CFAP44: variants seen among roughly 807,000 people sequenced by gnomAD.
CFAP44 encodes cilia- and flagella-associated protein 44.
A neutral mutation model predicts 216.2 loss-of-function variants in CFAP44; 134 were observed. That is an observed-to-expected ratio of 0.62 (90% CI 0.54 to 0.72). CFAP44 has a LOEUF of 0.72. Among genes scored for constraint, CFAP44 ranks in the 30% least tolerant of loss-of-function variants. The probability of loss-of-function intolerance (pLI) is 0.00; values close to 1 mark genes in which losing one functional copy is unlikely to be tolerated. For missense variants in CFAP44, 2,035 were observed against 2,182.1 expected (o/e 0.93, Z 1.34); for synonymous variants, 700 against 727.6 (o/e 0.96, Z 0.61).
intron 18 of CFAP44, among the ~76,000 whole-genome samples, chr3:113,371,090 C>A (rs1394913934): frequency 1.3e-5 from 2 of 152,132 alleles, no homozygotes; most frequent in Non-Finnish European, 2.9e-5. Flanking sequence ...AGGACACAAA[C>A]AAATGGAAGA....
chr3:113,330,808 C>T, intron 25 of CFAP44, 140 bp from the exon 26 acceptor site: 1 of 1,208,026 alleles, frequency 8.3e-7, no homozygotes, highest in Non-Finnish European at 1.1e-6. Flanking sequence ...CTTTTTACCA[C>T]CAAGTTTCCC....
At chr3:113,292,412 A>G (rs984675904) in intron 34 of CFAP44, among the ~76,000 whole-genome samples, 3 of 152,230 alleles carry the variant, frequency 2.0e-5, no homozygotes, top group Non-Finnish European at 4.4e-5. Context: ...AGGGCTCCAT[A>G]TGACTAAGTC....
chr3:113,414,845 G>A (rs539739281), intron 6 of CFAP44, among the ~76,000 whole-genome samples: 8 of 152,144 alleles, frequency 5.3e-5, no homozygotes, highest in East Asian at 1.9e-4. Flanking sequence ...GTCTCTTTCC[G>A]GTTTTGGTAT....
intron 15 of CFAP44, among the ~76,000 whole-genome samples, chr3:113,395,303 TAGAAGAGAAA>T (rs2107353171): frequency 6.6e-6 from 1 of 152,206 alleles, no homozygotes; most frequent in Non-Finnish European, 1.5e-5. Flanking sequence ...AATAAAAGGA[TAGAAGAGAAA>T]ATAGATGTGG....
intron 2 of CFAP44, among the ~76,000 whole-genome samples, chr3:113,430,664 G>A (rs1935084588): frequency 6.6e-6 from 1 of 151,994 alleles, no homozygotes; most frequent in Admixed American, 6.6e-5. Flanking sequence ...TAGTAAAGAA[G>A]AAATAGAGAG....
chr3:113,364,939 T>C (rs1174983696), intron 19 of CFAP44, among the ~76,000 whole-genome samples: 1 of 152,124 alleles, frequency 6.6e-6, no homozygotes, highest in African/African-American at 2.4e-5. Context: ...AAAAAATCTT[T>C]CTCATTTTTT....
At chr3:113,429,374 T>G (rs1935043049) in intron 2 of CFAP44, among the ~76,000 whole-genome samples, 1 of 152,166 alleles carries the variant, frequency 6.6e-6, no homozygotes, top group South Asian at 2.1e-4. Flanking sequence ...CCTTTTACCC[T>G]TATGTCACTG....
chr3:113,298,565 C>T (rs1286748456), intron 32 of CFAP44, among the ~76,000 whole-genome samples: 1 of 152,046 alleles, frequency 6.6e-6, no homozygotes. Context: ...TTCACAATAG[C>T]CAAAAAATGG....
chr3:113,402,826 T>C (rs1934179305), intron 9 of CFAP44, among the ~76,000 whole-genome samples: 1 of 152,208 alleles, frequency 6.6e-6, no homozygotes, highest in African/African-American at 2.4e-5. Flanking sequence ...TCCTGAGGTT[T>C]TCTCCCACTT....
chr3:113,427,341 T>C lies in CFAP44; in HGVS notation c.101-2A>G. 1 of 1,583,456 alleles carries C rather than the reference T, an allele frequency of 6.3e-7. No individual in the cohort carries two copies. Among genetic ancestry groups the C allele is most frequent in the South Asian group, 1.2e-5 (1 of 84,438 alleles). On this transcript the variant is annotated splice_acceptor_variant, in intron 2 of 34. Coordinates refer to ENST00000393845, the MANE Select transcript of CFAP44 (RefSeq NM_001164496.2). LOFTEE classifies it high-confidence loss of function. ...ATGTGTTATCTTCTTGAACAGGAGC[T>C]ATTAAAATTTGTTTTAATAACTTCT...
In CFAP44 at chr3:113,326,641, C is replaced by T; in HGVS notation, c.4321-1G>A. 1 of 1,468,110 alleles carries T rather than the reference C, an allele frequency of 6.8e-7. No individual in the cohort carries two copies. Among genetic ancestry groups the T allele is most frequent in the Non-Finnish European group, 9.0e-7 (1 of 1,112,208 alleles). The allele number at this position is 1,468,110 out of a possible 1,614,324, so 90.9% of individuals were successfully genotyped here. A position where few individuals can be genotyped will look rare whatever the true frequency, so the allele number is the denominator to read the frequency against. Reference sequence around the variant, plus strand: ...CTTTAAGAGTTTCATTTATTTTCCACTAAATGAATAAAAACAAGGACAAAT... The same window carrying T: ...CTTTAAGAGTTTCATTTATTTTCCATTAAATGAATAAAAACAAGGACAAAT... On this transcript the variant is annotated splice_acceptor_variant, in intron 27 of 34. Transcript: ENST00000393845. LOFTEE classifies it high-confidence loss of function.
chr3:113,381,161 A>G (rs1933497137), intron 15 of CFAP44, 101 bp from the exon 16 acceptor site: 1 of 832,504 alleles, frequency 1.2e-6, no homozygotes, highest in Non-Finnish European at 1.7e-6. Context: ...TATATTAGCC[A>G]TGTTTAAAAC....
chr3:113,290,884 C>T lies in CFAP44; in HGVS notation c.*673G>A, dbSNP rs1949823245. On this transcript the variant is annotated 3_prime_UTR_variant, in exon 35 of 35. Coordinates refer to ENST00000393845, the MANE Select transcript of CFAP44 (RefSeq NM_001164496.2). ...ATTGACTGTTTTATTAAGCATGCCC[C>T]TCTGCTCCACTCAGAACTGAGGAGT... 1 of 152,176 alleles carries T rather than the reference C, an allele frequency of 6.6e-6. No individual in the cohort carries two copies. The highest frequency in any genetic ancestry group is 2.4e-5 in the African/African-American group (1 of 41,422). The allele number at this position is 152,176 out of a possible 1,614,324, so 9.4% of individuals were successfully genotyped here.
intron 33 of CFAP44, among the ~76,000 whole-genome samples, chr3:113,296,082 TTTA>T (rs369312343): frequency 1.5e-4 from 23 of 152,258 alleles, no homozygotes; most frequent in African/African-American, 4.8e-4. Context: ...GTCCCCAGTG[TTTA>T]TTATTTTCAT....
intron 28 of CFAP44, among the ~76,000 whole-genome samples, chr3:113,315,969 C>T (rs1950082973): frequency 6.6e-6 from 1 of 152,160 alleles, no homozygotes; most frequent in East Asian, 1.9e-4. Flanking sequence ...GGACATACCC[C>T]ATGGTAAATC....
chr3:113,333,453 T>C lies in CFAP44; in HGVS notation c.3568A>G (p.Ile1190Val), dbSNP rs1226258961. 2 of 1,537,026 alleles carry C rather than the reference T, an allele frequency of 1.3e-6. No individual in the cohort carries two copies. The highest frequency in any genetic ancestry group is 2.7e-5 in the African/African-American group (2 of 73,024). Residue 1190 changes from isoleucine (I) to valine (V), a missense_variant, in exon 25 of 35, where the codon ATA becomes GTA. Around this residue, in one of 3 missense-constraint regions of CFAP44, gnomAD observed 1,883 missense variants for 2,023.7 expected, o/e 0.93. Coordinates refer to ENST00000393845, the MANE Select transcript of CFAP44 (RefSeq NM_001164496.2). ...TCCTCTTCCTTCTTGGCAGCATTTA[T>C]TCTCATGTGCTCAGGTATCTTGTAG... ...PDYKIPEHMR[I>V]NAAKKEEELG...
In CFAP44 at chr3:113,299,471, T is replaced by C. The variant is rs145757058; in HGVS notation, c.5078-2586A>G. ...CCCTCATACACGGTTGGTGGGAATG[T>C]AAATTAGTGCAACCACTTGGAGAGC... On this transcript the variant is annotated intron_variant, in intron 32 of 34. Transcript: ENST00000393845. Among the ~76,000 whole-genome samples the C allele has an allele frequency of 2.7e-3, 411 of 152,292 alleles. 3 individuals carry two copies. The highest frequency in any genetic ancestry group is 0.014 in the Middle Eastern group (4 of 294).
chr3:113,356,243 G>C (rs1421472476), intron 22 of CFAP44, among the ~76,000 whole-genome samples: 2 of 150,686 alleles, frequency 1.3e-5, no homozygotes, highest in Non-Finnish European at 3.0e-5. Flanking sequence ...GTTTATGTAA[G>C]ATAATATTTA....
At chr3:113,304,967 T>C in intron 31 of CFAP44, 69 bp downstream of exon 31, 2 of 1,391,046 alleles carry the variant, frequency 1.4e-6, no homozygotes, top group East Asian at 2.5e-5. Context: ...ACTATGAATC[T>C]TTCTCTGAAA....
Sources: gnomAD v4.1 joint callset for allele counts (sites outside exome capture counted in the v4.1 genomes callset) on GRCh38, gnomAD v4.1.1 for gene constraint, gnomAD v4.1.1 regional missense constraint, MANE v1.5 for transcripts, NCBI Gene and HGNC (gene_info 2026-07-23, HGNC 2026-07-21) for gene names.